Variants in TPO observed in about 807,000 individuals in gnomAD.
The protein encoded by TPO is thyroid microsomal antigen.
A neutral mutation model predicts 96.9 loss-of-function variants in TPO; 78 were observed. The ratio of observed to expected loss-of-function variants is 0.81; its 90% CI spans 0.67 to 0.97. The LOEUF (loss-of-function observed/expected upper bound fraction) is 0.97. Among genes scored for constraint, TPO ranks in the 50% least tolerant of loss-of-function variants. The probability of loss-of-function intolerance (pLI) is 0.00; values close to 1 mark genes in which losing one functional copy is unlikely to be tolerated. For missense variants in TPO, 1,252 were observed against 1,274.8 expected (o/e 0.98, Z 0.27); for synonymous variants, 547 against 538.0 (o/e 1.02, Z -0.23).
chr2:1,541,790 A>G (rs1164148847), intron 16 of TPO: 2 of 153,456 alleles, frequency 1.3e-5, no homozygotes, highest in African/African-American at 4.8e-5. Context: ...TCAACTAAAA[A>G]TACAAATTTT....
At chr2:1,406,833 TAGAC>T (rs1364250376) in intron 1 of TPO, among the ~76,000 whole-genome samples, 1 of 152,224 alleles carries the variant, frequency 6.6e-6, no homozygotes, top group African/African-American at 2.4e-5. Flanking sequence ...GCTTGCACCT[TAGAC>T]AGGATGTTTC....
intron 15 of TPO, among the ~76,000 whole-genome samples, chr2:1,518,683 G>C (rs1342395331): frequency 6.6e-6 from 1 of 152,186 alleles, no homozygotes; most frequent in Admixed American, 6.5e-5. Context: ...CCATAATTCA[G>C]ACAACTGTGA....
chr2:1,399,212 A>C lies in TPO; in HGVS notation n.180+24810A>C, dbSNP rs139218229. On this transcript the variant is annotated intron_variant and non_coding_transcript_variant, in intron 1 of 5. Coordinates refer to the TPO transcript ENST00000497517. ...CCTCATGAAATGTCCAGCCCCCCCG[A>C]GGGAGGCAGAGCCACGTGCTCTCCA... Among the ~76,000 whole-genome samples, 12 of 152,288 alleles carry C rather than the reference A, an allele frequency of 7.9e-5. No individual in the cohort carries two copies. In the East Asian group the frequency reaches 2.3e-3, roughly 29 times the overall value.
At chr2:1,487,217 G>A (rs2361747) in intron 9 of TPO, among the ~76,000 whole-genome samples, 3 of 94,624 alleles carry the variant, frequency 3.2e-5, no homozygotes, top group African/African-American at 1.5e-4. Context: ...TCTTTTTTTT[G>A]TAATCTTTCT....
intron 14 of TPO, chr2:1,513,718 CTATA>C (rs1467072742): frequency 6.6e-6 from 1 of 151,894 alleles, no homozygotes; most frequent in East Asian, 1.9e-4. Context: ...TGTAGATATA[CTATA>C]TATAGATTTA....
chr2:1,416,128 A>C (rs1287695990), intron 2 of TPO, among the ~76,000 whole-genome samples: 3 of 152,210 alleles, frequency 2.0e-5, no homozygotes, highest in African/African-American at 7.2e-5. Context: ...CAAGAATGAG[A>C]TACTTCATTT....
In TPO at chr2:1,388,513, C is replaced by T. The variant is rs971844994; in HGVS notation, n.180+14111C>T. Reference sequence around the variant, plus strand: ...TGGGTGTAGGACCCTCCGAGCCAGGCGTAGGGTATAATCTCCTGGTGTGCC... The same window carrying T: ...TGGGTGTAGGACCCTCCGAGCCAGGTGTAGGGTATAATCTCCTGGTGTGCC... On this transcript the variant is annotated intron_variant and non_coding_transcript_variant, in intron 1 of 5. Coordinates refer to the TPO transcript ENST00000497517. Among the ~76,000 whole-genome samples, 4 of 152,276 alleles carry T rather than the reference C, an allele frequency of 2.6e-5. No individual in the cohort carries two copies. In the East Asian group the frequency reaches 5.8e-4, roughly 22 times the overall value.
chr2:1,422,344 C>CTTCGTGCAGGCGCCTCTCCTGGCCA (rs1558264301), intron 2 of TPO, among the ~76,000 whole-genome samples: 1 of 77,520 alleles, frequency 1.3e-5, no homozygotes, highest in Admixed American at 1.2e-4. Flanking sequence ...TCTCCTGGAC[C>CTTCGTGCAGGCGCCTCTCCTGGCCA]GACCTCGTGC....
chr2:1,487,564 C>T (rs1235586773), intron 9 of TPO, among the ~76,000 whole-genome samples: 1 of 152,180 alleles, frequency 6.6e-6, no homozygotes, highest in Non-Finnish European at 1.5e-5. Flanking sequence ...GAAACCCCAT[C>T]TCTACTAAAA....
intron 14 of TPO, among the ~76,000 whole-genome samples, chr2:1,506,410 T>A (rs973839963): frequency 6.6e-6 from 1 of 152,180 alleles, no homozygotes; most frequent in Admixed American, 6.5e-5. Context: ...GTAATGGGAT[T>A]GCTGGGTCAA....
chr2:1,380,698 A>G lies in TPO; in HGVS notation n.180+6296A>G, dbSNP rs571078092. Reference sequence around the variant, plus strand: ...CAATGGGCTAGATGTTTCCATAAGGATAGGTCTCATCTGGAAAAAATAAAC... The same window carrying G: ...CAATGGGCTAGATGTTTCCATAAGGGTAGGTCTCATCTGGAAAAAATAAAC... On this transcript the variant is annotated intron_variant and non_coding_transcript_variant, in intron 1 of 5. Coordinates refer to the TPO transcript ENST00000497517. Among the ~76,000 whole-genome samples, 14 of 152,304 alleles carry G rather than the reference A, an allele frequency of 9.2e-5. No homozygotes were observed. The East Asian group carries it at 1.9e-3, about 21-fold the overall frequency.
At chr2:1,452,724 A>T (rs903369627) in intron 5 of TPO, among the ~76,000 whole-genome samples, 1 of 152,178 alleles carries the variant, frequency 6.6e-6, no homozygotes, top group Non-Finnish European at 1.5e-5. Context: ...TGTCCTCCAA[A>T]TTTCTAAACA....
intron 7 of TPO, among the ~76,000 whole-genome samples, chr2:1,466,224 C>A (rs1299209678): frequency 3.9e-5 from 6 of 152,204 alleles, no homozygotes; most frequent in Non-Finnish European, 8.8e-5. Flanking sequence ...GCCATCCCTG[C>A]ATCCCTGGTA....
chr2:1,503,981 C>A lies in TPO; in HGVS notation c.2420C>A (p.Pro807His), dbSNP rs762914858. 9 of 1,614,070 alleles carry A rather than the reference C, an allele frequency of 5.6e-6. No homozygotes were observed. Among genetic ancestry groups the A allele is most frequent in the Admixed American group, 5.0e-5 (3 of 60,014 alleles). ...GAGTGTGCAGACGGTGCCCACCCCC[C>A]CTGCCACGCCTCTGCGAGGTGCAGA... ...VNECADGAHP[P>H]CHASARCRNT... The change falls in exon 14 of 17, where the codon CCC (proline) becomes CAC (histidine). Residue 807 changes from proline to histidine, a missense_variant. Physicochemically the swap from Pro to His is moderately conservative, Grantham distance 77 (BLOSUM62 -2). Coordinates refer to ENST00000329066, the MANE Select transcript of TPO (RefSeq NM_001206744.2).
Position 1,419,770 on chromosome 2 carries a change from G to A in TPO, c.95-3275G>A, listed in dbSNP as rs141687927. ...AGGGGCTGTGCAGCAGAGTTCTAAC[G>A]ATCCATTCGAGTTTCCATCTTGGGG... On this transcript the variant is annotated intron_variant, in intron 2 of 16. Transcript: ENST00000329066. Among the ~76,000 whole-genome samples, 848 of 152,334 alleles carry A rather than the reference G, an allele frequency of 5.6e-3. 7 individuals are homozygous for A. Among genetic ancestry groups the A allele is most frequent in the Non-Finnish European group, 8.7e-3 (591 of 68,040 alleles).
At chr2:1,540,478 A>G in intron 15 of TPO, 116 bp from the exon 16 acceptor site, 1 of 1,595,230 alleles carries the variant, frequency 6.3e-7, no homozygotes, top group South Asian at 1.1e-5. Context: ...AGTGGGTTGG[A>G]GTGTTCCTGC....
intron 15 of TPO, among the ~76,000 whole-genome samples, chr2:1,528,921 T>A (rs1318808044): frequency 2.2e-5 from 3 of 135,576 alleles, no homozygotes; most frequent in Non-Finnish European, 4.6e-5. Context: ...TCCCCCACTG[T>A]GTGCAACCCC....
intron 1 of TPO, among the ~76,000 whole-genome samples, chr2:1,407,835 TTCAAGA>T (rs1294521361): frequency 1.7e-4 from 26 of 152,242 alleles, no homozygotes; most frequent in African/African-American, 6.3e-4. Context: ...AACCCACATC[TTCAAGA>T]TTACACTGTA....
chr2:1,446,944 A>C (rs1167307517), intron 5 of TPO, among the ~76,000 whole-genome samples: 1 of 151,970 alleles, frequency 6.6e-6, no homozygotes, highest in African/African-American at 2.4e-5. Flanking sequence ...GACCCATCTC[A>C]TTTTATGTTT....
Sources: gnomAD v4.1 joint callset for allele counts (sites outside exome capture counted in the v4.1 genomes callset) on GRCh38, gnomAD v4.1.1 for gene constraint, MANE v1.5 for transcripts, NCBI Gene and HGNC (gene_info 2026-07-23, HGNC 2026-07-21) for gene names.